DTNA: variants seen among roughly 807,000 people sequenced by gnomAD.
DTNA encodes dystrobrevin alpha.
In DTNA, 43 loss-of-function variants were observed where a neutral mutation model predicts 100.7. That is an observed-to-expected ratio of 0.43 (90% CI 0.33 to 0.55). The LOEUF (loss-of-function observed/expected upper bound fraction) is 0.55. DTNA is among the 20% of genes least tolerant of loss of function. DTNA has a pLI of 0.04. For synonymous variants in DTNA, 349 were observed against 347.9 expected (o/e 1.00, Z -0.04); for missense variants, 798 against 953.9 (o/e 0.84, Z 2.15).
intron 1 of DTNA, among the ~76,000 whole-genome samples, chr18:34,596,731 T>G (rs768396641): frequency 2.3e-4 from 35 of 152,058 alleles, no homozygotes; most frequent in Non-Finnish European, 1.2e-4. Context: ...CAGATAACTT[T>G]TCTGATTTTA....
At chr18:34,882,032 G>T (rs1356883466) in intron 20 of DTNA, 37 bp from the exon 21 acceptor site, 1 of 1,613,914 alleles carries the variant, frequency 6.2e-7, no homozygotes, top group East Asian at 2.2e-5. Flanking sequence ...TCTCTTTTAA[G>T]ATTTGCTCTA....
chr18:34,521,389 C>T (rs1223683829), intron 1 of DTNA, among the ~76,000 whole-genome samples: 15 of 152,278 alleles, frequency 9.9e-5, no homozygotes, highest in East Asian at 3.9e-4. Context: ...GCTCCTCCTT[C>T]GGCTTCCATG....
At chr18:34,555,821 G>A (rs1334931279) in intron 1 of DTNA, among the ~76,000 whole-genome samples, 1 of 152,164 alleles carries the variant, frequency 6.6e-6, no homozygotes, top group Admixed American at 6.5e-5. Flanking sequence ...TGGAATAGGT[G>A]TGGTGCTGAA....
At chr18:34,844,956 A>G (rs1251677024) in intron 13 of DTNA, among the ~76,000 whole-genome samples, 2 of 152,168 alleles carry the variant, frequency 1.3e-5, no homozygotes, top group Non-Finnish European at 2.9e-5. Context: ...CTTTCAAAAT[A>G]ATGGATTTTC....
chr18:34,621,966 A>G (rs534556593), intron 1 of DTNA, among the ~76,000 whole-genome samples: 4 of 152,204 alleles, frequency 2.6e-5, no homozygotes, highest in Admixed American at 6.5e-5. Context: ...AGTTGAACTC[A>G]TAGAAGCAGA....
chr18:34,584,174 A>G (rs939158231), intron 1 of DTNA, among the ~76,000 whole-genome samples: 8 of 152,280 alleles, frequency 5.3e-5, no homozygotes, highest in African/African-American at 1.9e-4. Flanking sequence ...TCTTGAGGGC[A>G]TTTCGGTGAA....
At chr18:34,633,279 G>A (rs151107587) in intron 1 of DTNA, among the ~76,000 whole-genome samples, 202 of 152,124 alleles carry the variant, frequency 1.3e-3, no homozygotes, top group Non-Finnish European at 2.5e-3. Flanking sequence ...ATCTAAAGTC[G>A]GTGAAATACA....
At position 34,713,934 on chromosome 18, in the gene DTNA, A is replaced by G. The variant is rs142569994; in HGVS notation, c.-2+3489A>G. On this transcript the variant is annotated intron_variant, in intron 1 of 22. Coordinates refer to ENST00000444659, the MANE Select transcript of DTNA (RefSeq NM_001386795.1). Reference sequence around the variant, plus strand: ...TTGGCTCTCTGTCTGTTGTTGGTGTATAAGAATGCTGATCTTTGACAAACC... The same window carrying G: ...TTGGCTCTCTGTCTGTTGTTGGTGTGTAAGAATGCTGATCTTTGACAAACC... Among the ~76,000 whole-genome samples, 535 of 152,246 alleles carry G rather than the reference A, an allele frequency of 3.5e-3. 2 individuals carry two copies. Among genetic ancestry groups the G allele is most frequent in the Admixed American group, 4.8e-3 (73 of 15,302 alleles).
At position 34,890,108 on chromosome 18, in the gene DTNA, T is replaced by G. The variant is rs1341628395; in HGVS notation, c.*2374T>G. On this transcript the variant is annotated 3_prime_UTR_variant, in exon 23 of 23. Transcript: ENST00000444659. ...GCTGGCATATGTTGTTTCTTTGTGT[T>G]TCTACATCAAAATGTTCGTCTAAGA... 3 of 1,402,916 alleles carry G rather than the reference T, an allele frequency of 2.1e-6. No individual in the cohort carries two copies. Among genetic ancestry groups the G allele is most frequent in the African/African-American group, 2.9e-5 (2 of 69,192 alleles). The allele number at this position is 1,402,916 out of a possible 1,614,324, so 86.9% of individuals were successfully genotyped here.
intron 1 of DTNA, among the ~76,000 whole-genome samples, chr18:34,521,919 C>T (rs796699981): frequency 1.9e-4 from 29 of 152,250 alleles, no homozygotes; most frequent in African/African-American, 7.0e-4. Context: ...ATGTAAGCTG[C>T]ACAAGGGAAG....
chr18:34,866,080 TCTAA>T, intron 17 of DTNA: 1 of 1,612,876 alleles, frequency 6.2e-7, no homozygotes, highest in Non-Finnish European at 8.5e-7. Context: ...CCCTGGGTAA[TCTAA>T]CTGTTATTGA....
chr18:34,786,672 T>C (rs558681744), intron 3 of DTNA, among the ~76,000 whole-genome samples: 2 of 151,086 alleles, frequency 1.3e-5, no homozygotes, highest in Non-Finnish European at 2.9e-5. Flanking sequence ...CAAGAAGATA[T>C]ATGTATTCCC....
Position 34,890,129 on chromosome 18 carries a change from T to C in DTNA, c.*2395T>C. On this transcript the variant is annotated 3_prime_UTR_variant, in exon 23 of 23. Coordinates refer to ENST00000444659, the MANE Select transcript of DTNA (RefSeq NM_001386795.1). The stretch of plus-strand genomic sequence containing the variant: ...GTGTTTCTACATCAAAATGTTCGTC[T>C]AAGATTTGAACTGTTCTGCTGATAA... 1 of 1,403,094 alleles carries C rather than the reference T, an allele frequency of 7.1e-7. No homozygotes were observed. The highest frequency in any genetic ancestry group is 9.2e-7 in the Non-Finnish European group (1 of 1,083,650). 86.9% of individuals were successfully genotyped at this position (1,403,094 alleles called of 1,614,324 possible).
chr18:34,767,910 A>T (rs2093573179), intron 3 of DTNA, among the ~76,000 whole-genome samples: 1 of 152,226 alleles, frequency 6.6e-6, no homozygotes. Flanking sequence ...AAGCAATCTA[A>T]AATGAGTAGT....
chr18:34,537,166 T>C (rs191012205), intron 1 of DTNA, among the ~76,000 whole-genome samples: 2 of 152,154 alleles, frequency 1.3e-5, no homozygotes, highest in Admixed American at 6.6e-5. Flanking sequence ...TTTTAAATGC[T>C]GGTTGTTAAA....
rs71813996 is a variant in DTNA, at chr18:34,681,695, AACACAC to A, written c.-1-74250_-1-74245del. On this transcript the variant is annotated intron_variant, in intron 1 of 19. Coordinates refer to the DTNA transcript ENST00000283365. ...AGTTTTTATATATCCCCCTATACACAACACACACACACACACACACACACACACACA... is the reference window on the plus strand; with the variant it reads ...AGTTTTTATATATCCCCCTATACACAACACACACACACACACACACACACA... Among the ~76,000 whole-genome samples, 1,174 of 142,958 alleles carry A rather than the reference AACACAC, an allele frequency of 8.2e-3. 11 individuals are homozygous for A. Among genetic ancestry groups the A allele is most frequent in the African/African-American group, 0.025 (979 of 38,720 alleles). The allele number at this position is 142,958 out of a possible 152,430, so 93.8% of individuals were successfully genotyped here. A position where few individuals can be genotyped will look rare whatever the true frequency, so the allele number is the denominator to read the frequency against.
intron 14 of DTNA, among the ~76,000 whole-genome samples, chr18:34,851,135 G>A (rs991496909): frequency 1.6e-4 from 25 of 151,898 alleles, no homozygotes; most frequent in Admixed American, 1.4e-3. Context: ...ATGGAATCTC[G>A]CTCTGTCACC....
chr18:34,760,450 C>A (rs2093071590), intron 2 of DTNA, among the ~76,000 whole-genome samples: 1 of 152,136 alleles, frequency 6.6e-6, no homozygotes, highest in African/African-American at 2.4e-5. Flanking sequence ...TTCAGAGTCC[C>A]CCAAAACAAC....
At chr18:34,682,999 T>C (rs950914731) in intron 1 of DTNA, among the ~76,000 whole-genome samples, 2 of 152,184 alleles carry the variant, frequency 1.3e-5, no homozygotes, top group Admixed American at 6.6e-5. Flanking sequence ...CCAAGTATTA[T>C]TTTTATTTTT....
Sources: allele counts gnomAD v4.1 joint callset (sites outside exome capture counted in the v4.1 genomes callset), GRCh38; gene constraint gnomAD v4.1.1; transcripts MANE v1.5; gene names NCBI Gene and HGNC (gene_info 2026-07-23, HGNC 2026-07-21).